KIF26B: variants seen among roughly 807,000 people sequenced by gnomAD.
KIF26B encodes kinesin family member 26B, also known as kinesin-like protein KIF26B.
A neutral mutation model predicts 151.2 loss-of-function variants in KIF26B; 63 were observed. That is an observed-to-expected ratio of 0.42 (90% CI 0.34 to 0.51). The LOEUF (loss-of-function observed/expected upper bound fraction) is 0.51. KIF26B is among the 20% of genes least tolerant of loss of function. The probability of loss-of-function intolerance (pLI) is 0.07; values close to 1 mark genes in which losing one functional copy is unlikely to be tolerated. For synonymous variants in KIF26B, 1,357 were observed against 1,262.1 expected (o/e 1.08, Z -1.59); for missense variants, 2,813 against 2,913.6 (o/e 0.97, Z 0.79).
At chr1:245,658,865 G>A (rs1438494869) in intron 10 of KIF26B, among the ~76,000 whole-genome samples, 1 of 151,990 alleles carries the variant, frequency 6.6e-6, no homozygotes, top group East Asian at 1.9e-4. Flanking sequence ...GCATTAAAAT[G>A]GTATTTTAAT....
chr1:245,390,136 A>G (rs946962648), intron 3 of KIF26B, among the ~76,000 whole-genome samples: 2 of 150,740 alleles, frequency 1.3e-5, no homozygotes, highest in Non-Finnish European at 2.9e-5. Flanking sequence ...TATGCTGGTC[A>G]TGCTATTACT....
rs761927732 is a variant in KIF26B, at chr1:245,155,383, C to G, written c.-42C>G. ...GGGTTGGAGGACCTTCTGGATGTAG[C>G]GTCGGTGGAACCTTTAGATACTCTC... On this transcript the variant is annotated 5_prime_UTR_variant, in exon 1 of 15. Transcript: ENST00000407071. 1.3e-6 allele frequency: 2 copies of G among 1,525,010 alleles called. No homozygotes were observed. The highest frequency in any genetic ancestry group is 1.2e-5 in the South Asian group (1 of 85,376). The allele number at this position is 1,525,010 out of a possible 1,614,324, so 94.5% of individuals were successfully genotyped here.
intron 10 of KIF26B, among the ~76,000 whole-genome samples, chr1:245,679,851 G>A (rs541523925): frequency 7.2e-5 from 11 of 152,204 alleles, no homozygotes; most frequent in East Asian, 1.9e-4. Flanking sequence ...TTGAAAGAGC[G>A]GTGCGGTCCT....
chr1:245,210,508 C>CTTT (rs35803033), intron 2 of KIF26B, among the ~76,000 whole-genome samples: 69,863 of 129,260 alleles, frequency 0.54, 20,732 homozygotes, highest in Non-Finnish European at 0.65. Flanking sequence ...ATATCCTAAG[C>CTTT]TTTTTTTTTT....
intron 5 of KIF26B, among the ~76,000 whole-genome samples, chr1:245,554,027 CTT>C (rs1661957182): frequency 6.6e-6 from 1 of 152,152 alleles, no homozygotes; most frequent in African/African-American, 2.4e-5. Flanking sequence ...CCCTCTATCT[CTT>C]GTGTCCAAAC....
intron 9 of KIF26B, among the ~76,000 whole-genome samples, chr1:245,634,096 G>A (rs2043809479): frequency 6.6e-6 from 1 of 152,180 alleles, no homozygotes; most frequent in Admixed American, 6.5e-5. Flanking sequence ...TTACCGGTGC[G>A]AGGCACCACA....
chr1:245,493,407 G>GC, intron 4 of KIF26B, among the ~76,000 whole-genome samples: 1 of 152,310 alleles, frequency 6.6e-6, no homozygotes, highest in Non-Finnish European at 1.5e-5. Context: ...AATATTTCTA[G>GC]CCAATCACTA....
At chr1:245,553,112 A>G (rs1661933022) in intron 5 of KIF26B, among the ~76,000 whole-genome samples, 1 of 152,196 alleles carries the variant, frequency 6.6e-6, no homozygotes, top group South Asian at 2.1e-4. Flanking sequence ...TGAGCCATTC[A>G]TCTTGTGCCA....
In KIF26B at chr1:245,360,040, T is replaced by C. The variant is rs1168821124; in HGVS notation, c.466-6794T>C. ...GGCACCTACCACCATGCCCGGCTAA[T>C]TTTTTTATTTTTAGGAGAGATGGGG... On this transcript the variant is annotated intron_variant, in intron 2 of 14. Transcript: ENST00000407071. 2.6e-5 allele frequency among the ~76,000 whole-genome samples: 4 copies of C among 151,816 alleles called. No homozygotes were observed. The East Asian group carries it at 7.7e-4, about 29-fold the overall frequency.
At chr1:245,578,039 G>A (rs952345291) in intron 5 of KIF26B, among the ~76,000 whole-genome samples, 1 of 152,190 alleles carries the variant, frequency 6.6e-6, no homozygotes, top group Non-Finnish European at 1.5e-5. Context: ...TCCCCTAACC[G>A]GAAGAGCTTT....
chr1:245,518,854 T>C (rs1387554057), intron 4 of KIF26B, among the ~76,000 whole-genome samples: 4 of 152,172 alleles, frequency 2.6e-5, no homozygotes, highest in Admixed American at 2.6e-4. Flanking sequence ...ATGTTCTGGG[T>C]AAGGAAGCTG....
At chr1:245,504,055 A>C (rs988019430) in intron 4 of KIF26B, among the ~76,000 whole-genome samples, 2 of 152,128 alleles carry the variant, frequency 1.3e-5, no homozygotes, top group Admixed American at 1.3e-4. Flanking sequence ...ATAAAGTACT[A>C]GTTCCCAAGC....
At chr1:245,509,529 G>A (rs1282563172) in intron 4 of KIF26B, among the ~76,000 whole-genome samples, 1 of 152,174 alleles carries the variant, frequency 6.6e-6, no homozygotes, top group Non-Finnish European at 1.5e-5. Context: ...TCCCATAGGT[G>A]TTGCATTAGG....
intron 9 of KIF26B, among the ~76,000 whole-genome samples, chr1:245,619,765 T>C (rs10802226): frequency 0.28 from 41,844 of 151,080 alleles, 6,722 homozygotes; most frequent in East Asian, 0.5. Flanking sequence ...ATACAAAAAT[T>C]AGCCAGGCAT....
intron 4 of KIF26B, among the ~76,000 whole-genome samples, chr1:245,467,431 A>G (rs1242095380): frequency 1.3e-5 from 2 of 152,138 alleles, no homozygotes; most frequent in Non-Finnish European, 2.9e-5. Context: ...TCCTGGAGAA[A>G]AGGGTCTTCT....
At chr1:245,184,043 AGTT>A (rs200362852) in intron 2 of KIF26B, among the ~76,000 whole-genome samples, 5 of 19,570 alleles carry the variant, frequency 2.6e-4, no homozygotes, top group Non-Finnish European at 4.5e-4. Context: ...TATGGGTGGG[AGTT>A]GTTGTTTTTT....
chr1:245,639,885 T>A lies in KIF26B; in HGVS notation c.2099-6236T>A, dbSNP rs1371366399. Among the ~76,000 whole-genome samples, 27 of 151,794 alleles carry A rather than the reference T, an allele frequency of 1.8e-4. 1 individual carries two copies. The highest frequency in any genetic ancestry group is 3.7e-4 in the Non-Finnish European group (25 of 67,840). On this transcript the variant is annotated intron_variant, in intron 9 of 14. Transcript: ENST00000407071. ...ACATGTTTTGTGGCCTATCATATGGTCTGTCCTGGAGAATGTTCCATGTAC... is the reference window on the plus strand; with the variant it reads ...ACATGTTTTGTGGCCTATCATATGGACTGTCCTGGAGAATGTTCCATGTAC...
chr1:245,266,543 C>T lies in KIF26B; in HGVS notation c.466-100291C>T, dbSNP rs1558367932. ...TTTTTTTTTGAGATGGAGTCTCATTCTGTCACCCACGCGGAGTGCAGTGGC... is the reference window on the plus strand; with the variant it reads ...TTTTTTTTTGAGATGGAGTCTCATTTTGTCACCCACGCGGAGTGCAGTGGC... On this transcript the variant is annotated intron_variant, in intron 2 of 14. Coordinates refer to ENST00000407071, the MANE Select transcript of KIF26B (RefSeq NM_018012.4). Among the ~76,000 whole-genome samples the T allele has an allele frequency of 2.6e-5, 4 of 151,228 alleles. No individual in the cohort carries two copies. The South Asian group carries it at 8.3e-4, about 31-fold the overall frequency.
intron 12 of KIF26B, among the ~76,000 whole-genome samples, chr1:245,696,410 G>T (rs950008356): frequency 6.6e-6 from 1 of 152,164 alleles, no homozygotes; most frequent in African/African-American, 2.4e-5. Context: ...AGCCCTAGCT[G>T]ACAGCTTGCC....
Sources: allele counts gnomAD v4.1 joint callset (sites outside exome capture counted in the v4.1 genomes callset), GRCh38; gene constraint gnomAD v4.1.1; transcripts MANE v1.5; gene names NCBI Gene and HGNC (gene_info 2026-07-23, HGNC 2026-07-21).